The following ELF5 variants were observed in gnomAD, a reference collection of about 807,000 sequenced individuals.
The protein encoded by ELF5 is E74 like ETS transcription factor 5.
A neutral mutation model predicts 38.2 loss-of-function variants in ELF5; 31 were observed. The observed-to-expected ratio is 0.81, with a 90% CI of 0.61 to 1.10. The LOEUF is 1.10. ELF5 is among the 50% of genes least tolerant of loss of function. ELF5 has a pLI of 0.00. For synonymous variants in ELF5, 121 were observed against 112.5 expected (o/e 1.08, Z -0.48); for missense variants, 300 against 306.6 (o/e 0.98, Z 0.16).
At chr11:34,503,686 A>G (rs1169586029) in intron 2 of ELF5, among the ~76,000 whole-genome samples, 1 of 152,194 alleles carries the variant, frequency 6.6e-6, no homozygotes, top group Non-Finnish European at 1.5e-5. Context: ...TCCTAGGCTC[A>G]AGTGATAATC....
chr11:34,484,582 G>T (rs1849934526), intron 4 of ELF5, among the ~76,000 whole-genome samples: 1 of 151,936 alleles, frequency 6.6e-6, no homozygotes, highest in South Asian at 2.1e-4. Context: ...TGTCACTGCT[G>T]AATGAAGGAA....
chr11:34,501,319 G>A (rs905053264), intron 2 of ELF5, among the ~76,000 whole-genome samples: 1 of 152,154 alleles, frequency 6.6e-6, no homozygotes, highest in Non-Finnish European at 1.5e-5. Context: ...AAGCCTCTCA[G>A]GAACCTCAGT....
At position 34,509,379 on chromosome 11, in the gene ELF5, G is replaced by A. The variant is rs1850695832; in HGVS notation, c.-4-3626C>T. Among the ~76,000 whole-genome samples, 3 of 152,178 alleles carry A rather than the reference G, an allele frequency of 2.0e-5. No individual in the cohort carries two copies. In the South Asian group the frequency reaches 6.2e-4, roughly 32 times the overall value. ...CGTGCATGAGAACTCCTCTCCAGAT[G>A]TAAATATATAACCGAGTTTGAATTC... is the stretch of plus-strand genomic sequence containing the variant. On this transcript the variant is annotated intron_variant, in intron 1 of 6. Coordinates refer to ENST00000257832, the MANE Select transcript of ELF5 (RefSeq NM_001422.4).
At chr11:34,489,909 G>A in intron 4 of ELF5, 100 bp downstream of exon 4, 1 of 1,394,890 alleles carries the variant, frequency 7.2e-7, no homozygotes, top group Non-Finnish European at 1.0e-6. Flanking sequence ...GGATTGTTTT[G>A]GTTCATCAGC....
intron 1 of ELF5, chr11:34,511,512 A>G (rs1850755421): frequency 6.2e-7 from 1 of 1,614,226 alleles, no homozygotes; most frequent in African/African-American, 1.3e-5. Flanking sequence ...AGGTGGGCTC[A>G]CTTCACACAT....
chr11:34,487,283 C>T (rs1850023298), intron 4 of ELF5, among the ~76,000 whole-genome samples: 1 of 152,098 alleles, frequency 6.6e-6, no homozygotes, highest in African/African-American at 2.4e-5. Flanking sequence ...TAGTTCTAGG[C>T]TCCCAAATGG....
chr11:34,497,336 C>T (rs1850343031), intron 2 of ELF5, among the ~76,000 whole-genome samples: 1 of 152,190 alleles, frequency 6.6e-6, no homozygotes, highest in Non-Finnish European at 1.5e-5. Context: ...CCATCATGGG[C>T]CTGGTAGGCT....
chr11:34,505,312 C>T (rs1590341310), intron 2 of ELF5, among the ~76,000 whole-genome samples: 1 of 152,290 alleles, frequency 6.6e-6, no homozygotes, highest in African/African-American at 2.4e-5. Context: ...GGCTTTCTTT[C>T]TACTACATTG....
At chr11:34,511,803 G>GC in intron 1 of ELF5, 1 of 546,224 alleles carries the variant, frequency 1.8e-6, no homozygotes, top group Non-Finnish European at 3.3e-6. Context: ...CTCAGCCTTG[G>GC]CCAGTTTGCC....
chr11:34,506,276 A>G (rs1850611962), intron 1 of ELF5, among the ~76,000 whole-genome samples: 1 of 152,168 alleles, frequency 6.6e-6, no homozygotes, highest in Non-Finnish European at 1.5e-5. Flanking sequence ...AGAAGGGGGC[A>G]CTAAATGTTG....
Position 34,480,242 on chromosome 11 carries a change from G to A in ELF5, c.744C>T (p.His248=), listed in dbSNP as rs373515223. Residue 248 remains histidine, a synonymous_variant, in exon 7 of 7, where the codon CAC becomes CAT. Transcript: ENST00000257832. ...ATCATAGCTTGTCTTCCTGCCACCC[G>A]TGTGCATTTTTTCCAAATTTGTACA... ...RLVYKFGKNA[H]GWQEDKL 2.4e-5 allele frequency: 38 copies of A among 1,613,814 alleles called. No homozygotes were observed. Among genetic ancestry groups the A allele is most frequent in the South Asian group, 1.6e-4 (15 of 91,078 alleles).
intron 2 of ELF5, among the ~76,000 whole-genome samples, chr11:34,496,177 G>C (rs1465861523): frequency 6.6e-6 from 1 of 152,214 alleles, no homozygotes; most frequent in Non-Finnish European, 1.5e-5. Flanking sequence ...GCGGGGAGTC[G>C]GCCCCACACC....
chr11:34,484,707 A>AAGAAGTG (rs765079388), intron 4 of ELF5, among the ~76,000 whole-genome samples: 4 of 152,144 alleles, frequency 2.6e-5, no homozygotes, highest in Non-Finnish European at 5.9e-5. Flanking sequence ...CATTTCTTCC[A>AAGAAGTG]GGATGAAGGC....
intron 2 of ELF5, among the ~76,000 whole-genome samples, chr11:34,494,809 T>C (rs1850276951): frequency 6.6e-6 from 1 of 152,226 alleles, no homozygotes; most frequent in Non-Finnish European, 1.5e-5. Context: ...AGCTTTAGTT[T>C]CCTTACTGGT....
intron 5 of ELF5, 66 bp from the exon 6 acceptor site, chr11:34,481,033 A>AT (rs1370393352): frequency 4.0e-6 from 5 of 1,261,714 alleles, no homozygotes; most frequent in East Asian, 5.7e-5. Flanking sequence ...TAATTAATTA[A>AT]TTTTTTTGAG....
intron 1 of ELF5, among the ~76,000 whole-genome samples, chr11:34,512,937 T>G (rs1850797929): frequency 6.6e-6 from 1 of 152,138 alleles, no homozygotes; most frequent in Non-Finnish European, 1.5e-5. Flanking sequence ...ATGAAGCGAT[T>G]GCACCTAGTG....
intron 2 of ELF5, among the ~76,000 whole-genome samples, chr11:34,500,692 G>A (rs995094301): frequency 1.3e-5 from 2 of 152,224 alleles, no homozygotes; most frequent in African/African-American, 4.8e-5. Context: ...GCTGCCACAG[G>A]GCTCACCTCA....
At chr11:34,485,491 C>T (rs977347809) in intron 4 of ELF5, among the ~76,000 whole-genome samples, 5 of 152,202 alleles carry the variant, frequency 3.3e-5, no homozygotes, top group African/African-American at 1.2e-4. Context: ...AGACAACAAG[C>T]GTTCACTGAA....
intron 2 of ELF5, among the ~76,000 whole-genome samples, chr11:34,503,456 G>A (rs11032728): frequency 0.31 from 45,387 of 144,658 alleles, 8,952 homozygotes; most frequent in Non-Finnish European, 0.43. Flanking sequence ...CACCATGCCT[G>A]CTCCCCAACC....
Sources: gnomAD v4.1 joint callset for allele counts (sites outside exome capture counted in the v4.1 genomes callset) on GRCh38, gnomAD v4.1.1 for gene constraint, MANE v1.5 for transcripts, NCBI Gene and HGNC (gene_info 2026-07-23, HGNC 2026-07-21) for gene names.